Variants in ADCY2 observed in about 807,000 individuals in gnomAD.
ADCY2 encodes adenylate cyclase 2, also known as adenylate cyclase type 2.
In ADCY2, 31 loss-of-function variants were observed where a neutral mutation model predicts 125.2. That is an observed-to-expected ratio of 0.25 (90% confidence interval 0.19 to 0.33). The LOEUF is 0.33. Ranked by LOEUF, ADCY2 falls within the 10% of genes least tolerant of loss-of-function variation. ADCY2 has a pLI of 1.00. For missense variants in ADCY2, 904 were observed against 1,418.2 expected (o/e 0.64, Z 5.82); for synonymous variants, 512 against 548.4 (o/e 0.93, Z 0.93).
At chr5:7,693,743 C>T (rs886584355) in intron 5 of ADCY2, among the ~76,000 whole-genome samples, 5 of 152,110 alleles carry the variant, frequency 3.3e-5, no homozygotes, top group African/African-American at 1.2e-4. Flanking sequence ...TTTTTAAATC[C>T]CTTTGCTGTA....
intron 3 of ADCY2, among the ~76,000 whole-genome samples, chr5:7,529,857 A>C (rs1028181699): frequency 6.6e-5 from 10 of 152,220 alleles, no homozygotes; most frequent in Non-Finnish European, 1.3e-4. Context: ...AATTGCAGGC[A>C]ATTCTGACAG....
intron 4 of ADCY2, chr5:7,654,067 A>G (rs561150156): frequency 1.8e-4 from 80 of 456,226 alleles, no homozygotes; most frequent in African/African-American, 1.4e-3. Flanking sequence ...CCAGCAGATC[A>G]GTAGCATTTA....
At chr5:7,544,701 T>C (rs1475560446) in intron 3 of ADCY2, among the ~76,000 whole-genome samples, 2 of 152,156 alleles carry the variant, frequency 1.3e-5, no homozygotes, top group Non-Finnish European at 2.9e-5. Context: ...GTGGACATCT[T>C]GTGGGGAGAT....
chr5:7,400,394 G>T (rs1487777464), intron 1 of ADCY2, among the ~76,000 whole-genome samples: 1 of 152,170 alleles, frequency 6.6e-6, no homozygotes, highest in East Asian at 1.9e-4. Context: ...TTTTTATGAT[G>T]AATCAATGTT....
intron 5 of ADCY2, among the ~76,000 whole-genome samples, chr5:7,693,795 A>G (rs1006801947): frequency 3.3e-5 from 5 of 152,212 alleles, no homozygotes; most frequent in African/African-American, 4.8e-5. Flanking sequence ...CAGGCAGCCT[A>G]TCTCAGAGCT....
intron 5 of ADCY2, among the ~76,000 whole-genome samples, chr5:7,694,019 G>A (rs4487461): frequency 0.98 from 149,354 of 152,320 alleles, 73,291 homozygotes; most frequent in East Asian, 1. Flanking sequence ...AAGAAAAGAA[G>A]TAGGGATGAT....
rs150332471 is a variant in ADCY2 at position 7,530,213 on chromosome 5, G to A, written c.570+9314G>A. Among the ~76,000 whole-genome samples the A allele has an allele frequency of 3.3e-5, 5 of 152,328 alleles. No individual in the cohort carries two copies. The East Asian group carries it at 9.6e-4, about 29-fold the overall frequency. ...GCTAATCTGGTGCTTAGCCATCAAT[G>A]AGTAGTAGGCAGCAGCAGCAGCAGT... On this transcript the variant is annotated intron_variant, in intron 3 of 24. Transcript: ENST00000338316.
chr5:7,542,474 A>G (rs1057381253), intron 3 of ADCY2, among the ~76,000 whole-genome samples: 2 of 152,212 alleles, frequency 1.3e-5, no homozygotes, highest in African/African-American at 4.8e-5. Context: ...AGGAGTTTGG[A>G]GAAAATGATC....
intron 2 of ADCY2, among the ~76,000 whole-genome samples, chr5:7,434,305 C>G (rs1740716895): frequency 6.6e-6 from 1 of 152,152 alleles, no homozygotes; most frequent in African/African-American, 2.4e-5. Context: ...ATCAATTTGG[C>G]ATTTTCATCC....
At chr5:7,450,815 T>C (rs1027387882) in intron 2 of ADCY2, among the ~76,000 whole-genome samples, 2 of 152,118 alleles carry the variant, frequency 1.3e-5, no homozygotes, top group Non-Finnish European at 2.9e-5. Flanking sequence ...CCTTAAAAAT[T>C]GTTAATTTTA....
chr5:7,635,969 C>A (rs970540933), intron 4 of ADCY2, among the ~76,000 whole-genome samples: 1 of 152,182 alleles, frequency 6.6e-6, no homozygotes, highest in Non-Finnish European at 1.5e-5. Flanking sequence ...ACCTCACAGA[C>A]AGCCTGATAC....
chr5:7,510,733 C>T (rs1185783942), intron 2 of ADCY2, among the ~76,000 whole-genome samples: 4 of 152,106 alleles, frequency 2.6e-5, no homozygotes, highest in South Asian at 4.1e-4. Flanking sequence ...GTCATGAGAC[C>T]CAGGTTACCA....
Position 7,426,062 on chromosome 5 carries a change from G to A in ADCY2, c.408+11292G>A, listed in dbSNP as rs571983856. Among the ~76,000 whole-genome samples the A allele has an allele frequency of 1.1e-4, 16 of 152,278 alleles. No homozygotes were observed. The South Asian group carries it at 3.3e-3, about 32-fold the overall frequency. On this transcript the variant is annotated intron_variant, in intron 2 of 24. Transcript: ENST00000338316. ...CAGAGGCGAGGTAGTAAAGTCCCTG[G>A]AAGAGTTGCCAGAGATGAGGTGGAG...
chr5:7,802,178 C>T lies in ADCY2; in HGVS notation c.2629-40C>T. 1 of 1,601,820 alleles carries T rather than the reference C, an allele frequency of 6.2e-7. No individual in the cohort carries two copies. The highest frequency in any genetic ancestry group is 8.5e-7 in the Non-Finnish European group (1 of 1,174,770). ...CTGTGGAGTGTTTCTGTTTAAAGGT[C>T]AGTCTCCTAGTGATCAGCTCTTGCT... On this transcript the variant is annotated intron_variant, in intron 20 of 24. Coordinates refer to ENST00000338316, the MANE Select transcript of ADCY2 (RefSeq NM_020546.3). This position sits in a 1 kb window ranked among gnomAD's most constrained non-coding sequence, Gnocchi z 4.6.
chr5:7,772,879 G>T (rs1467520662), intron 17 of ADCY2, 53 bp from the exon 18 acceptor site: 1 of 1,553,626 alleles, frequency 6.4e-7, no homozygotes, highest in African/African-American at 1.4e-5. Flanking sequence ...AATTGTTTCA[G>T]CATTTCTCAG....
At chr5:7,494,425 C>T (rs143531496) in intron 2 of ADCY2, among the ~76,000 whole-genome samples, 2 of 152,214 alleles carry the variant, frequency 1.3e-5, no homozygotes, top group East Asian at 1.9e-4. Flanking sequence ...CTACGCTTTC[C>T]CTCCCTCTGC....
At chr5:7,790,223 C>T (rs575895657) in intron 20 of ADCY2, among the ~76,000 whole-genome samples, 171 of 152,260 alleles carry the variant, frequency 1.1e-3, no homozygotes, top group African/African-American at 3.8e-3. Context: ...TCCCACACGC[C>T]CCCTGTTTCC....
Position 7,828,340 on chromosome 5 carries a change from T to G in ADCY2, c.*1469T>G, listed in dbSNP as rs1745549504. ...AAGTTCCTGGTTTGAATCCTGGCTC[T>G]GATTTTTTACTGGCTGTGTGACTTT... On this transcript the variant is annotated 3_prime_UTR_variant, in exon 25 of 25. Coordinates refer to ENST00000338316, the MANE Select transcript of ADCY2 (RefSeq NM_020546.3). 1 of 152,518 alleles carries G rather than the reference T, an allele frequency of 6.6e-6. No homozygotes were observed. The highest frequency in any genetic ancestry group is 6.5e-5 in the Admixed American group (1 of 15,284). The allele number at this position is 152,518 out of a possible 1,614,324, so 9.4% of individuals were successfully genotyped here.
At chr5:7,580,212 A>G (rs1736383751) in intron 3 of ADCY2, among the ~76,000 whole-genome samples, 1 of 152,232 alleles carries the variant, frequency 6.6e-6, no homozygotes, top group Non-Finnish European at 1.5e-5. Context: ...GAATACACCC[A>G]TGTAAAAAAA....
Sources: gnomAD v4.1 joint callset for allele counts (sites outside exome capture counted in the v4.1 genomes callset) on GRCh38, gnomAD v4.1.1 for gene constraint, Gnocchi (gnomAD v3.1) non-coding constraint, MANE v1.5 for transcripts, NCBI Gene and HGNC (gene_info 2026-07-23, HGNC 2026-07-21) for gene names.